OS9: variants seen among roughly 807,000 people sequenced by gnomAD.
The protein encoded by OS9 is protein OS-9.
In OS9, 58 loss-of-function variants were observed where a neutral mutation model predicts 84.7. The observed-to-expected ratio is 0.68, with a 90% CI of 0.55 to 0.85. The LOEUF (loss-of-function observed/expected upper bound fraction) is 0.85. Ranked by LOEUF, OS9 falls within the 40% of genes least tolerant of loss-of-function variation. The pLI is 0.00. For missense variants in OS9, 760 were observed against 850.9 expected, an observed-to-expected ratio of 0.89 and a Z score of 1.33; for synonymous variants, 278 against 320.8, an observed-to-expected ratio of 0.87 and a Z score of 1.43.
At chr12:57,696,751 G>A (rs558606003) in intron 5 of OS9, among the ~76,000 whole-genome samples, 8 of 151,806 alleles carry the variant, frequency 5.3e-5, no homozygotes, top group South Asian at 4.2e-4. Context: ...AGCCGAGGTC[G>A]TGCCACTGTG....
At chr12:57,715,595 C>T in intron 5 of OS9, 165 bp from the exon 6 acceptor site, 2 of 534,030 alleles carry the variant, frequency 3.7e-6, no homozygotes, top group Non-Finnish European at 3.3e-6. Flanking sequence ...AATATCGCCT[C>T]ACTGGGTCTT....
chr12:57,699,924 C>T (rs1274315577), intron 5 of OS9, among the ~76,000 whole-genome samples: 2 of 152,058 alleles, frequency 1.3e-5, no homozygotes, highest in South Asian at 2.1e-4. Flanking sequence ...GGTGAAACCC[C>T]ATGTCTACTA....
chr12:57,716,638 T>C, intron 8 of OS9, 55 bp from the exon 9 acceptor site: 1 of 1,569,158 alleles, frequency 6.4e-7, no homozygotes, highest in Non-Finnish European at 8.8e-7. Context: ...GCCTTCATAG[T>C]ATGGAGGGCA....
intron 5 of OS9, among the ~76,000 whole-genome samples, chr12:57,699,528 G>A (rs957577539): frequency 3.9e-5 from 6 of 152,194 alleles, no homozygotes; most frequent in African/African-American, 1.2e-4. Context: ...TTGGTCCATG[G>A]TGTTGGCTGT....
At chr12:57,719,288 T>G in intron 12 of OS9, 106 bp downstream of exon 12, 1 of 889,894 alleles carries the variant, frequency 1.1e-6, no homozygotes, top group Non-Finnish European at 1.7e-6. Context: ...AGGGTGCTCA[T>G]TCTCTCCCCA....
chr12:57,698,378 A>G (rs1466352310), intron 5 of OS9, among the ~76,000 whole-genome samples: 1 of 152,240 alleles, frequency 6.6e-6, no homozygotes, highest in Admixed American at 6.5e-5. Flanking sequence ...TCAAGACTGC[A>G]TAGCTTCCTC....
rs770299465 is a variant in OS9 at position 57,696,291 on chromosome 12, G to A, written c.497G>A (p.Arg166His). The part of the protein sequence containing the change: ...DETAKASKQH[R>H]LKRYHSQTYG... ...CTTCTCCAGGCCTCCAAGCAGCATC[G>A]TCTTAAACGCTACCACAGCCAGACC... The change falls in exon 5 of 15, where the codon CGT (arginine) becomes CAT (histidine). Residue 166 changes from arginine (R) to histidine (H), a missense_variant. Physicochemically the swap from Arg to His is conservative, Grantham distance 29. Coordinates refer to ENST00000315970, the MANE Select transcript of OS9 (RefSeq NM_006812.4). 16 of 1,612,822 alleles carry A rather than the reference G, an allele frequency of 9.9e-6. No homozygotes were observed. Among genetic ancestry groups the A allele is most frequent in the Middle Eastern group, 3.3e-4 (2 of 6,080 alleles).
At position 57,696,258 on chromosome 12, in the gene OS9, C is replaced by A; in HGVS notation, c.481-17C>A. The A allele has an allele frequency of 6.3e-7, 1 of 1,579,558 alleles. No homozygotes were observed. The highest frequency in any genetic ancestry group is 8.7e-7 in the Non-Finnish European group (1 of 1,153,480). On this transcript the variant is annotated splice_polypyrimidine_tract_variant and intron_variant, in intron 4 of 14. Transcript: ENST00000315970. The stretch of plus-strand genomic sequence containing the variant: ...ATCTTTCTCATGTCCCCCATTCCTG[C>A]CTCATGTCTTCTCCAGGCCTCCAAG...
chr12:57,695,924 TTAAGAG>T, intron 3 of OS9, 32 bp from the exon 4 acceptor site: 1 of 1,583,144 alleles, frequency 6.3e-7, no homozygotes, highest in Non-Finnish European at 8.7e-7. Context: ...CCTCCTCCTC[TTAAGAG>T]TAACAGTGCT....
intron 5 of OS9, among the ~76,000 whole-genome samples, chr12:57,702,054 C>T (rs531268081): frequency 2.0e-4 from 30 of 152,222 alleles, no homozygotes; most frequent in South Asian, 4.2e-4. Flanking sequence ...CTTGGCCTCC[C>T]AAAGTGCTGG....
intron 5 of OS9, among the ~76,000 whole-genome samples, chr12:57,706,742 G>C (rs1200573663): frequency 2.0e-5 from 3 of 151,530 alleles, no homozygotes; most frequent in African/African-American, 4.9e-5. Context: ...CCAGTTACTT[G>C]GGAGGCTGAA....
rs748354985 is a variant in OS9 at position 57,719,083 on chromosome 12, A to T, written c.1501A>T (p.Ile501Phe). The change falls in exon 12 of 15, where the codon ATC becomes TTC. Residue 501 changes from isoleucine to phenylalanine, a missense_variant. Physicochemically the swap from Ile to Phe is conservative, Grantham distance 21. Transcript: ENST00000315970. ...TCTCACATCCACTCTCAACAAACTC[A>T]TCAAAAGACTGGAGGAAAAACAGAG... ...LALTSTLNKL[I>F]KRLEEKQSPE... 2 of 1,612,334 alleles carry T rather than the reference A, an allele frequency of 1.2e-6. No individual in the cohort carries two copies. The highest frequency in any genetic ancestry group is 3.3e-5 in the Admixed American group (2 of 60,012).
chr12:57,698,536 G>A (rs1045639187), intron 5 of OS9, among the ~76,000 whole-genome samples: 5 of 152,206 alleles, frequency 3.3e-5, no homozygotes, highest in East Asian at 1.9e-4. Flanking sequence ...AGTGCAGCCC[G>A]CAGGGGAGCA....
At chr12:57,704,430 G>A (rs1245619328) in intron 5 of OS9, among the ~76,000 whole-genome samples, 3 of 152,028 alleles carry the variant, frequency 2.0e-5, no homozygotes, top group African/African-American at 4.8e-5. Flanking sequence ...CCAGCTACTC[G>A]GGAAACCGAG....
Position 57,721,050 on chromosome 12 carries a change from G to A in OS9, c.*141G>A. ...CTGTGGACCTCTCGGGCAACTCTGT[G>A]GGTGTGGGGGCCCTGGGTGAATGCT... On this transcript the variant is annotated 3_prime_UTR_variant, in exon 15 of 15. Coordinates refer to ENST00000315970, the MANE Select transcript of OS9 (RefSeq NM_006812.4). The A allele has an allele frequency of 1.1e-6, 1 of 923,616 alleles. No individual in the cohort carries two copies. Among genetic ancestry groups the A allele is most frequent in the Non-Finnish European group, 1.6e-6 (1 of 608,640 alleles). 57.2% of individuals were successfully genotyped at this position (923,616 alleles called of 1,614,324 possible). A position where few individuals can be genotyped will look rare whatever the true frequency, so the allele number is the denominator to read the frequency against.
chr12:57,718,110 C>T (rs1476151743), intron 10 of OS9, 36 bp from the exon 11 acceptor site: 2 of 1,600,064 alleles, frequency 1.2e-6, no homozygotes, highest in Admixed American at 3.4e-5. Context: ...CTGTTGAAAC[C>T]CCAACTGTCT....
intron 5 of OS9, among the ~76,000 whole-genome samples, chr12:57,710,715 C>A (rs75546708): frequency 0.023 from 3,560 of 152,048 alleles, 125 homozygotes; most frequent in African/African-American, 0.079. Context: ...TGATACAAAA[C>A]CCAGAAAGTA....
intron 5 of OS9, among the ~76,000 whole-genome samples, chr12:57,704,524 A>T (rs1177570209): frequency 6.8e-6 from 1 of 146,326 alleles, no homozygotes; most frequent in Non-Finnish European, 1.5e-5. Flanking sequence ...GTGACAGAGC[A>T]AGACTCCATC....
intron 7 of OS9, 88 bp downstream of exon 7, chr12:57,716,281 G>A: frequency 1.3e-6 from 1 of 771,506 alleles, no homozygotes. Flanking sequence ...TGGTGGGGTG[G>A]GGGGGGGTGG....
Sources: allele counts gnomAD v4.1 joint callset (sites outside exome capture counted in the v4.1 genomes callset), GRCh38; gene constraint gnomAD v4.1.1; transcripts MANE v1.5; gene names NCBI Gene and HGNC (gene_info 2026-07-23, HGNC 2026-07-21).